The following MROH7 variants were observed in gnomAD, a reference collection of about 807,000 sequenced individuals.
The protein encoded by MROH7 is maestro heat like repeat family member 7.
Under a neutral mutation model 129.2 loss-of-function variants are expected in MROH7, and 113 were observed. That is an observed-to-expected ratio of 0.87 (90% CI 0.75 to 1.02). The LOEUF (loss-of-function observed/expected upper bound fraction) is 1.02, where lower values mean the gene tolerates loss of function less well. Ranked by LOEUF, MROH7 falls within the 50% of genes least tolerant of loss-of-function variation. The probability of loss-of-function intolerance (pLI) is 0.00; values close to 1 mark genes in which losing one functional copy is unlikely to be tolerated. For synonymous variants in MROH7, 655 were observed against 667.9 expected, an observed-to-expected ratio of 0.98 and a Z score of 0.30; for missense variants, 1,601 against 1,671.3, an observed-to-expected ratio of 0.96 and a Z score of 0.73.
At chr1:54,670,969 C>T (rs752315224) in intron 7 of MROH7, 40 bp downstream of exon 7, 8 of 1,553,570 alleles carry the variant, frequency 5.1e-6, no homozygotes. Flanking sequence ...AGGGCTGGCC[C>T]ATGTTCTGGG....
At chr1:54,705,738 G>A (rs779756455) in intron 21 of MROH7, among the ~76,000 whole-genome samples, 16 of 152,142 alleles carry the variant, frequency 1.1e-4, no homozygotes, top group African/African-American at 9.7e-5. Context: ...CTGAGACTTC[G>A]AAGGAAGGTC....
At chr1:54,662,161 A>G (rs1188402845) in intron 3 of MROH7, among the ~76,000 whole-genome samples, 1 of 152,172 alleles carries the variant, frequency 6.6e-6, no homozygotes, top group Non-Finnish European at 1.5e-5. Context: ...GCGAGGCTAC[A>G]GTCAGCCATG....
In MROH7 at chr1:54,682,764, G is replaced by A; in HGVS notation, c.2490G>A (p.Lys830=). 1 of 1,613,650 alleles carries A rather than the reference G, an allele frequency of 6.2e-7. No individual in the cohort carries two copies. Among genetic ancestry groups the A allele is most frequent in the Non-Finnish European group, 8.5e-7 (1 of 1,179,978 alleles). ...GCCTGAAGGAGAAGCCCGTCACCAAGGAGGGCCGGGCTTCCATCGTGCCCC... is the reference window on the plus strand; with the variant it reads ...GCCTGAAGGAGAAGCCCGTCACCAAAGAGGGCCGGGCTTCCATCGTGCCCC... ...LGSLKEKPVT[K]EGRASIVPLA... The change falls in exon 14 of 24, where the codon AAG becomes AAA. Residue 830 remains lysine (K), a synonymous_variant. Transcript: ENST00000421030.
At chr1:54,699,884 G>A in intron 17 of MROH7, 1 of 550,156 alleles carries the variant, frequency 1.8e-6, no homozygotes, top group Non-Finnish European at 3.2e-6. Flanking sequence ...CTGAGTTTTG[G>A]ATGGAGCCCT....
At chr1:54,692,190 G>C (rs1645250746) in intron 15 of MROH7, among the ~76,000 whole-genome samples, 1 of 152,238 alleles carries the variant, frequency 6.6e-6, no homozygotes, top group Non-Finnish European at 1.5e-5. Context: ...GCTGGTCCCA[G>C]AGGTAAAAGC....
At chr1:54,656,350 A>G (rs1472059308) in intron 3 of MROH7, among the ~76,000 whole-genome samples, 8 of 148,112 alleles carry the variant, frequency 5.4e-5, no homozygotes, top group African/African-American at 2.0e-4. Context: ...CCTCTCTACT[A>G]AAAATACAAA....
chr1:54,670,892 TGCAGGAGAAGGACGAGGCCAAG>T lies in MROH7; in HGVS notation c.1565_1586del (p.Gln522LeufsTer32), dbSNP rs1364100213. ...TTCTCCCTGCCCTCCGTGCAGGCGATGCAGGAGAAGGACGAGGCCAAGGCTGAGACCATCCAGGTGAGGCGGG... is the reference window on the plus strand; with the variant it reads ...TTCTCCCTGCCCTCCGTGCAGGCGATGCTGAGACCATCCAGGTGAGGCGGG... On this transcript the variant is annotated frameshift_variant, in exon 7 of 24. Transcript: ENST00000421030. LOFTEE classifies it high-confidence loss of function. 8 of 1,611,724 alleles carry T rather than the reference TGCAGGAGAAGGACGAGGCCAAG, an allele frequency of 5.0e-6. No homozygotes were observed. The highest frequency in any genetic ancestry group is 6.8e-6 in the Non-Finnish European group (8 of 1,179,206).
intron 15 of MROH7, 79 bp downstream of exon 15, chr1:54,686,527 A>AG (rs1357616863): frequency 1.8e-5 from 23 of 1,297,604 alleles, no homozygotes; most frequent in African/African-American, 4.4e-5. Context: ...CAAAAGTCTC[A>AG]GGGGCAATCA....
chr1:54,669,303 T>G (rs138799577), intron 5 of MROH7, among the ~76,000 whole-genome samples: 1 of 152,190 alleles, frequency 6.6e-6, no homozygotes, highest in Non-Finnish European at 1.5e-5. Context: ...TGGGCAACTT[T>G]AGGCAGTTTC....
chr1:54,657,252 T>C (rs1421913380), intron 3 of MROH7, among the ~76,000 whole-genome samples: 1 of 151,954 alleles, frequency 6.6e-6, no homozygotes, highest in Non-Finnish European at 1.5e-5. Context: ...GATTTCACCA[T>C]GTTACCCAGG....
At chr1:54,704,802 T>C (rs547639104) in intron 21 of MROH7, among the ~76,000 whole-genome samples, 1 of 133,422 alleles carries the variant, frequency 7.5e-6, no homozygotes, top group Admixed American at 7.4e-5. Flanking sequence ...TCTTTTTTTT[T>C]TTTTTTTTTT....
chr1:54,709,288 C>T (rs1419207094), intron 23 of MROH7, among the ~76,000 whole-genome samples: 2 of 152,150 alleles, frequency 1.3e-5, no homozygotes, highest in African/African-American at 4.8e-5. Context: ...GGCACAATCT[C>T]GGCTCACTGC....
chr1:54,678,790 A>G lies in MROH7; in HGVS notation c.1985A>G (p.Asn662Ser), dbSNP rs776835788. ...ETNKKELYES[N>S]KHFLGPYNPV... ...AACAAAAAGGAGCTATATGAGAGCA[A>G]CAAGCATTTCCTGGGGCCCTACAAC... The change falls in exon 11 of 24, where the codon AAC becomes AGC. Residue 662 changes from asparagine (N) to serine (S), a missense_variant. By Grantham distance (46) the Asn-to-Ser change is conservative. Transcript: ENST00000421030. 105 of 1,614,022 alleles carry G rather than the reference A, an allele frequency of 6.5e-5. No homozygotes were observed. Among genetic ancestry groups the G allele is most frequent in the Non-Finnish European group, 8.8e-5 (104 of 1,180,016 alleles).
At chr1:54,646,323 T>G (rs1173836118) in intron 1 of MROH7, among the ~76,000 whole-genome samples, 1 of 97,490 alleles carries the variant, frequency 1.0e-5, no homozygotes, top group Non-Finnish European at 2.0e-5. Flanking sequence ...CTGTTGGGCT[T>G]CCTCTTTCCG....
At chr1:54,697,522 C>T in intron 17 of MROH7, 1 of 572,388 alleles carries the variant, frequency 1.7e-6, no homozygotes, top group Admixed American at 2.6e-5. Context: ...CCAGCTCCAT[C>T]CAGTTCTAAC....
chr1:54,668,814 G>A (rs478513), intron 4 of MROH7, 40 bp from the exon 5 acceptor site: 474,372 of 1,516,424 alleles, frequency 0.31, 78,614 homozygotes, highest in Admixed American at 0.53. Flanking sequence ...GGGCTCAGTG[G>A]GTCTCTCACT....
chr1:54,691,178 G>A (rs1557720342), intron 15 of MROH7, among the ~76,000 whole-genome samples: 1 of 152,180 alleles, frequency 6.6e-6, no homozygotes. Flanking sequence ...CTGAATGCTA[G>A]AGGCATTGCC....
intron 10 of MROH7, among the ~76,000 whole-genome samples, chr1:54,677,268 G>A (rs1389263634): frequency 1.3e-5 from 2 of 152,142 alleles, no homozygotes; most frequent in Non-Finnish European, 2.9e-5. Context: ...GTGTGGTGGC[G>A]CATGCCTATA....
At chr1:54,660,881 T>C (rs1644721961) in intron 3 of MROH7, among the ~76,000 whole-genome samples, 1 of 152,312 alleles carries the variant, frequency 6.6e-6, no homozygotes, top group African/African-American at 2.4e-5. Flanking sequence ...AGGGGATTTC[T>C]GTCTAGTGAT....
Sources: gnomAD v4.1 joint callset for allele counts (sites outside exome capture counted in the v4.1 genomes callset) on GRCh38, gnomAD v4.1.1 for gene constraint, MANE v1.5 for transcripts, NCBI Gene and HGNC (gene_info 2026-07-23, HGNC 2026-07-21) for gene names.